Variants in RBM45 observed in about 807,000 individuals in gnomAD.
RBM45 encodes RNA-binding protein 45.
A neutral mutation model predicts 58.5 loss-of-function variants in RBM45; 39 were observed. The observed-to-expected ratio is 0.67, with a 90% confidence interval of 0.52 to 0.87. RBM45 has a LOEUF of 0.87. Ranked by LOEUF, RBM45 falls within the 40% of genes least tolerant of loss-of-function variation. The pLI, the probability that RBM45 is intolerant of heterozygous loss-of-function variation, is 0.00. For synonymous variants in RBM45, 193 were observed against 203.0 expected (o/e 0.95, Z 0.42); for missense variants, 481 against 581.6 (o/e 0.83, Z 1.78).
At chr2:178,138,296 G>A (rs1028695234) in exon 4 of RBM45, 1 of 152,224 alleles carries the variant, frequency 6.6e-6, no homozygotes, top group African/African-American at 2.4e-5. Context: ...TGAACAAAAA[G>A]CACCAGAGCA....
rs777285339 is a variant in RBM45 at position 178,112,460 on chromosome 2, C to A, written c.-87C>A. The A allele has an allele frequency of 1.5e-6, 2 of 1,293,396 alleles. No homozygotes were observed. Among genetic ancestry groups the A allele is most frequent in the Admixed American group, 4.3e-5 (2 of 47,010 alleles). The allele number at this position is 1,293,396 out of a possible 1,614,324, so 80.1% of individuals were successfully genotyped here. On this transcript the variant is annotated 5_prime_UTR_variant, in exon 1 of 10. Coordinates refer to ENST00000286070, the MANE Select transcript of RBM45 (RefSeq NM_152945.4). ...TTCTCCCGGAAGCGGAGCACCGAGCCGGCAAAGGCTTGGGTGTGAGACAGC... is the reference window on the plus strand; with the variant it reads ...TTCTCCCGGAAGCGGAGCACCGAGCAGGCAAAGGCTTGGGTGTGAGACAGC...
chr2:178,115,568 G>A (rs562202590), intron 1 of RBM45, among the ~76,000 whole-genome samples: 1 of 152,250 alleles, frequency 6.6e-6, no homozygotes, highest in South Asian at 2.1e-4. Flanking sequence ...AAAGGGATAT[G>A]TCTCTAACAC....
At chr2:178,124,026 G>A (rs2087892543) in intron 7 of RBM45, 101 bp from the exon 8 acceptor site, 2 of 1,482,158 alleles carry the variant, frequency 1.3e-6, no homozygotes, top group Non-Finnish European at 1.9e-6. Context: ...AGCTATTGTG[G>A]AAGACCACAT....
exon 4 of RBM45, chr2:178,137,609 A>T (rs373100086): frequency 6.6e-6 from 1 of 152,226 alleles, no homozygotes; most frequent in African/African-American, 2.4e-5. Flanking sequence ...GATGTGCTGT[A>T]GGATTCCCAG....
Position 178,138,370 on chromosome 2 carries a change from T to G in RBM45, c.*1916T>G, listed in dbSNP as rs540339591. On this transcript the variant is annotated 3_prime_UTR_variant, in exon 4 of 4. Coordinates refer to the RBM45 transcript ENST00000455903. ...AAAGGTGCAGATCAAAAAGGCTGATTACAGAGATTTATCCTTTGACTAATA... is the reference window on the plus strand; with the variant it reads ...AAAGGTGCAGATCAAAAAGGCTGATGACAGAGATTTATCCTTTGACTAATA... 4 of 152,294 alleles carry G rather than the reference T, an allele frequency of 2.6e-5. No homozygotes were observed. In the South Asian group the frequency reaches 8.3e-4, roughly 32 times the overall value. 9.4% of individuals were successfully genotyped at this position (152,294 alleles called of 1,614,324 possible). A position where few individuals can be genotyped will look rare whatever the true frequency, so the allele number is the denominator to read the frequency against.
chr2:178,136,403 A>G (rs2088045744), intron 3 of RBM45: 1 of 152,238 alleles, frequency 6.6e-6, no homozygotes, highest in Admixed American at 6.5e-5. Flanking sequence ...TATACTGTTA[A>G]TTTGAGACAG....
At chr2:178,125,763 A>T in intron 8 of RBM45, 1 of 680,100 alleles carries the variant, frequency 1.5e-6, no homozygotes, top group Non-Finnish European at 2.8e-6. Flanking sequence ...TAAGGAAACT[A>T]GTGAAAAAGG....
At chr2:178,125,962 T>G (rs1559081586) in intron 8 of RBM45, 22 bp from the exon 9 acceptor site, 3 of 1,605,584 alleles carry the variant, frequency 1.9e-6, no homozygotes, top group Non-Finnish European at 2.6e-6. Context: ...TTTGGTTGAT[T>G]ATTTTTTTCA....
intron 4 of RBM45, 120 bp downstream of exon 4, chr2:178,120,529 A>C: frequency 4.5e-6 from 4 of 892,056 alleles, no homozygotes; most frequent in Non-Finnish European, 6.4e-6. Flanking sequence ...AAAATCTTAA[A>C]TGTAGTTTTT....
At chr2:178,125,599 G>A in intron 8 of RBM45, 1 of 414,186 alleles carries the variant, frequency 2.4e-6, no homozygotes, top group Non-Finnish European at 4.9e-6. Flanking sequence ...TGTCAGAACG[G>A]CTCTAGAGCT....
chr2:178,112,480 G>A lies in RBM45; in HGVS notation c.-67G>A. On this transcript the variant is annotated 5_prime_UTR_variant, in exon 1 of 10. Coordinates refer to ENST00000286070, the MANE Select transcript of RBM45 (RefSeq NM_152945.4). ...CGAGCCGGCAAAGGCTTGGGTGTGA[G>A]ACAGCAGCGGTGGCAGACACCGCAG... 4 of 1,446,106 alleles carry A rather than the reference G, an allele frequency of 2.8e-6. No individual in the cohort carries two copies. The highest frequency in any genetic ancestry group is 3.8e-6 in the Non-Finnish European group (4 of 1,049,078). The allele number at this position is 1,446,106 out of a possible 1,614,324, so 89.6% of individuals were successfully genotyped here. A position where few individuals can be genotyped will look rare whatever the true frequency, so the allele number is the denominator to read the frequency against.
rs1263509842 is a variant in RBM45, at chr2:178,115,941, C to T, written c.301-321C>T. ...GTCAAAGTGGGAGGATCACTTGAGC[C>T]CAGGAATTCATGACCATCCTGGACA... On this transcript the variant is annotated intron_variant, in intron 1 of 9. Coordinates refer to ENST00000286070, the MANE Select transcript of RBM45 (RefSeq NM_152945.4). 9.9e-5 allele frequency among the ~76,000 whole-genome samples: 15 copies of T among 151,898 alleles called. 1 individual carries two copies.
rs2087720997 is a variant in RBM45, at chr2:178,112,761, A to G, written c.215A>G (p.Lys72Arg). ...TKESKGIAFV[K>R]FARSSQACRA... ...GAGTCCAAGGGCATTGCTTTCGTCA[A>G]GTTCGCCCGCAGCTCACAGGCCTGC... The change falls in exon 1 of 10, where the codon AAG becomes AGG. Residue 72 changes from lysine (K) to arginine (R), a missense_variant. By Grantham distance (26) the Lys-to-Arg change is conservative. Transcript: ENST00000286070. 1.2e-6 allele frequency: 2 copies of G among 1,614,000 alleles called. No homozygotes were observed. Among genetic ancestry groups the G allele is most frequent in the East Asian group, 2.2e-5 (1 of 44,866 alleles).
chr2:178,118,048 C>G lies in RBM45; in HGVS notation c.424-7C>G, dbSNP rs771018050. 1.9e-6 allele frequency: 3 copies of G among 1,593,640 alleles called. No homozygotes were observed. The highest frequency in any genetic ancestry group is 1.3e-5 in the African/African-American group (1 of 74,320). ...TCCCCTAAAATCATGTCTTTTAACT[C>G]TCTTAGGTGTATGGAGATATCGAGT... is the stretch of plus-strand genomic sequence containing the variant. On this transcript the variant is annotated splice_polypyrimidine_tract_variant and splice_region_variant and intron_variant, in intron 2 of 9. Coordinates refer to ENST00000286070, the MANE Select transcript of RBM45 (RefSeq NM_152945.4).
In RBM45 at chr2:178,123,937, T is replaced by C. The variant is rs750272997; in HGVS notation, c.1068+25T>C. On this transcript the variant is annotated intron_variant, in intron 7 of 9. Coordinates refer to ENST00000286070, the MANE Select transcript of RBM45 (RefSeq NM_152945.4). Reference sequence around the variant, plus strand: ...GGTAAGTAGGTAAGAATTTAACCTTTATAATATATCAATAGCATATAAAAT... The same window carrying C: ...GGTAAGTAGGTAAGAATTTAACCTTCATAATATATCAATAGCATATAAAAT... 8.9e-6 allele frequency: 14 copies of C among 1,575,498 alleles called. No individual in the cohort carries two copies. The South Asian group carries it at 1.6e-4, about 18-fold the overall frequency.
chr2:178,127,098 G>A (rs1187227768), intron 9 of RBM45, among the ~76,000 whole-genome samples: 1 of 152,040 alleles, frequency 6.6e-6, no homozygotes, highest in East Asian at 1.9e-4. Context: ...CACCACGCCT[G>A]GCTAATTTTT....
intron 7 of RBM45, 85 bp from the exon 8 acceptor site, chr2:178,124,042 C>A: frequency 6.7e-7 from 1 of 1,482,512 alleles, no homozygotes; most frequent in Non-Finnish European, 9.2e-7. Flanking sequence ...CACATAGATG[C>A]CATGATACAT....
intron 3 of RBM45, among the ~76,000 whole-genome samples, chr2:178,135,235 A>G (rs2088036009): frequency 6.6e-6 from 1 of 152,220 alleles, no homozygotes; most frequent in South Asian, 2.1e-4. Flanking sequence ...AACAATCTAC[A>G]ATAGTTGCTG....
intron 3 of RBM45, among the ~76,000 whole-genome samples, chr2:178,136,171 G>A (rs988022981): frequency 6.6e-6 from 1 of 152,176 alleles, no homozygotes; most frequent in Non-Finnish European, 1.5e-5. Context: ...TTAGGCAGGT[G>A]TGGTGGCGGG....
Sources: gnomAD v4.1 joint callset for allele counts (sites outside exome capture counted in the v4.1 genomes callset) on GRCh38, gnomAD v4.1.1 for gene constraint, MANE v1.5 for transcripts, NCBI Gene and HGNC (gene_info 2026-07-23, HGNC 2026-07-21) for gene names.